The following CSMD1 variants were observed in gnomAD, a reference collection of about 807,000 sequenced individuals.
The protein encoded by CSMD1 is CUB and Sushi multiple domains 1.
CSMD1 carries 213 observed loss-of-function variants against 417.5 expected under a neutral mutation model. The ratio of observed to expected loss-of-function variants is 0.51; its 90% CI spans 0.46 to 0.57. CSMD1 has a LOEUF of 0.57. CSMD1 is among the 20% of genes least tolerant of loss of function. CSMD1 has a pLI of 0.00. For missense variants in CSMD1, 6,923 were observed against 4,529.7 expected, an observed-to-expected ratio of 1.53 and a Z score of -15.17; for synonymous variants, 2,862 against 1,736.8, an observed-to-expected ratio of 1.65 and a Z score of -16.11.
chr8:3,327,801 TG>T (rs1160376340), intron 23 of CSMD1, among the ~76,000 whole-genome samples: 1 of 152,172 alleles, frequency 6.6e-6, no homozygotes, highest in Non-Finnish European at 1.5e-5. Context: ...AATAAGTAAA[TG>T]TTGTGTTTTT....
rs181045235 is a variant in CSMD1, at chr8:3,232,900, C to T, written c.4154-2669G>A. Among the ~76,000 whole-genome samples the T allele has an allele frequency of 4.4e-4, 67 of 151,430 alleles. 1 individual carries two copies. The East Asian group carries it at 0.01, about 23-fold the overall frequency. On this transcript the variant is annotated intron_variant, in intron 26 of 69. Transcript: ENST00000635120. ...ACCTTCTTCTTTAATATTTATTATTCTCTTCCTAATTACATGCATTGCTAG... is the reference window on the plus strand; with the variant it reads ...ACCTTCTTCTTTAATATTTATTATTTTCTTCCTAATTACATGCATTGCTAG...
rs73499881 is a variant in CSMD1 at position 3,918,247 on chromosome 8, G to C, written c.818+79656C>G. Among the ~76,000 whole-genome samples the C allele has an allele frequency of 6.3e-3, 964 of 151,916 alleles. 5 individuals carry two copies. The highest frequency in any genetic ancestry group is 0.022 in the African/African-American group (926 of 41,464). On this transcript the variant is annotated intron_variant, in intron 5 of 69. Transcript: ENST00000635120. Reference sequence around the variant, plus strand: ...ATTGCTGGGTCATATGGTAGGTTTTGTTGTTGTTGTTGTTGTTTTTAGCAG... The same window carrying C: ...ATTGCTGGGTCATATGGTAGGTTTTCTTGTTGTTGTTGTTGTTTTTAGCAG...
intron 25 of CSMD1, among the ~76,000 whole-genome samples, chr8:3,293,605 C>G (rs1471595191): frequency 6.6e-6 from 1 of 152,140 alleles, no homozygotes. Flanking sequence ...ACCTTGTCTT[C>G]CTGTTGATTG....
At chr8:4,218,403 G>A (rs777990255) in intron 3 of CSMD1, among the ~76,000 whole-genome samples, 10 of 152,030 alleles carry the variant, frequency 6.6e-5, no homozygotes, top group African/African-American at 1.2e-4. Context: ...ATCTCAACTC[G>A]AAAATGACCT....
chr8:3,773,024 T>G (rs1466943996), intron 5 of CSMD1, among the ~76,000 whole-genome samples: 2 of 152,138 alleles, frequency 1.3e-5, no homozygotes, highest in Admixed American at 6.5e-5. Flanking sequence ...ACCTCCTCCC[T>G]GTACCTTCCC....
At chr8:4,898,419 G>A (rs1804645378) in intron 1 of CSMD1, among the ~76,000 whole-genome samples, 1 of 151,506 alleles carries the variant, frequency 6.6e-6, no homozygotes, top group Admixed American at 6.6e-5. Flanking sequence ...CACAGTGACT[G>A]GGTGATGGTC....
At chr8:3,034,799 TAGACTAG>T (rs1810567267) in intron 50 of CSMD1, among the ~76,000 whole-genome samples, 1 of 152,170 alleles carries the variant, frequency 6.6e-6, no homozygotes, top group South Asian at 2.1e-4. Context: ...TTAAACATTA[TAGACTAG>T]GGAATAAGAT....
chr8:4,448,296 T>C (rs1798936305), intron 2 of CSMD1, among the ~76,000 whole-genome samples: 1 of 152,154 alleles, frequency 6.6e-6, no homozygotes, highest in African/African-American at 2.4e-5. Flanking sequence ...CAAAAAAGGG[T>C]ACATTTTGTT....
chr8:4,680,752 G>A (rs997067314), intron 1 of CSMD1, among the ~76,000 whole-genome samples: 5 of 151,962 alleles, frequency 3.3e-5, no homozygotes, highest in Non-Finnish European at 4.4e-5. Flanking sequence ...GCTATTTTTT[G>A]TATTTTTAGT....
At chr8:3,700,906 C>A (rs1800824220) in intron 7 of CSMD1, among the ~76,000 whole-genome samples, 1 of 152,052 alleles carries the variant, frequency 6.6e-6, no homozygotes, top group African/African-American at 2.4e-5. Flanking sequence ...ACTGATATTT[C>A]ACCCAGATCC....
At chr8:4,448,426 T>G (rs190001357) in intron 2 of CSMD1, among the ~76,000 whole-genome samples, 166 of 152,310 alleles carry the variant, frequency 1.1e-3, no homozygotes, top group African/African-American at 3.7e-3. Flanking sequence ...CTGATGCAGA[T>G]TGGAAGACAT....
chr8:3,019,484 C>T (rs6997150), intron 51 of CSMD1, among the ~76,000 whole-genome samples: 1 of 152,134 alleles, frequency 6.6e-6, no homozygotes, highest in African/African-American at 2.4e-5. Flanking sequence ...TCTAGGACTT[C>T]GGAATGCAAT....
At chr8:4,531,599 C>A (rs1222517146) in intron 2 of CSMD1, among the ~76,000 whole-genome samples, 2 of 152,030 alleles carry the variant, frequency 1.3e-5, no homozygotes, top group Admixed American at 6.6e-5. Flanking sequence ...GTGTAAGATG[C>A]GAGCTTTCTG....
At chr8:4,438,936 G>C (rs534942243) in intron 2 of CSMD1, among the ~76,000 whole-genome samples, 1 of 152,190 alleles carries the variant, frequency 6.6e-6, no homozygotes, top group Non-Finnish European at 1.5e-5. Flanking sequence ...TATGGTGTAG[G>C]ATTCCGTAAA....
chr8:4,537,908 C>T (rs959479653), intron 2 of CSMD1, among the ~76,000 whole-genome samples: 1 of 152,188 alleles, frequency 6.6e-6, no homozygotes, highest in Non-Finnish European at 1.5e-5. Context: ...GTTATTCTCT[C>T]TTTGTGAGAA....
In CSMD1 at chr8:4,791,803, G is replaced by A. The variant is rs368494548; in HGVS notation, c.86-154245C>T. ...TCACTTTGAGATTCCTCCAGTTTGG[G>A]TGGCATTCTCTGACACTGACCTACA... On this transcript the variant is annotated intron_variant, in intron 1 of 69. Transcript: ENST00000635120. Among the ~76,000 whole-genome samples the A allele has an allele frequency of 2.0e-5, 3 of 152,114 alleles. No homozygotes were observed. In the South Asian group the frequency reaches 6.2e-4, roughly 31 times the overall value.
At chr8:4,410,020 G>T (rs1234517510) in intron 3 of CSMD1, among the ~76,000 whole-genome samples, 1 of 152,022 alleles carries the variant, frequency 6.6e-6, no homozygotes, top group Non-Finnish European at 1.5e-5. Context: ...CACCATGTTG[G>T]CCAAGATGGT....
At chr8:3,541,768 T>C (rs979265857) in intron 10 of CSMD1, among the ~76,000 whole-genome samples, 3 of 150,112 alleles carry the variant, frequency 2.0e-5, no homozygotes, top group African/African-American at 7.3e-5. Flanking sequence ...CAAAATAATA[T>C]CAACTACAGC....
At chr8:3,290,657 A>G (rs950602919) in intron 25 of CSMD1, among the ~76,000 whole-genome samples, 3 of 146,964 alleles carry the variant, frequency 2.0e-5, no homozygotes, top group East Asian at 2.0e-4. Context: ...AATAGTTGTG[A>G]TTTTTGCACA....
Sources: gnomAD v4.1 joint callset for allele counts (sites outside exome capture counted in the v4.1 genomes callset) on GRCh38, gnomAD v4.1.1 for gene constraint, MANE v1.5 for transcripts, NCBI Gene and HGNC (gene_info 2026-07-23, HGNC 2026-07-21) for gene names.